Variants in KCNQ5 observed in about 807,000 individuals in gnomAD.
KCNQ5 encodes the protein potassium voltage-gated channel subfamily Q member 5, also known as potassium voltage-gated channel subfamily KQT member 5.
Under a neutral mutation model 98.2 loss-of-function variants are expected in KCNQ5, and 30 were observed. That is an observed-to-expected ratio of 0.31 (90% CI 0.23 to 0.41). KCNQ5 has a LOEUF of 0.41. Among genes scored for constraint, KCNQ5 ranks in the 10% least tolerant of loss-of-function variants. The pLI is 1.00. For missense variants in KCNQ5, 835 were observed against 1,182.5 expected (o/e 0.71, Z 4.31); for synonymous variants, 458 against 449.4 (o/e 1.02, Z -0.24).
chr6:72,808,362 T>C (rs1424015810), intron 1 of KCNQ5, among the ~76,000 whole-genome samples: 2 of 152,180 alleles, frequency 1.3e-5, no homozygotes, highest in Non-Finnish European at 2.9e-5. Flanking sequence ...TATTTTTGTA[T>C]GGTCTGGAAT....
chr6:72,986,212 A>G (rs1313047844), intron 1 of KCNQ5: 2 of 176,444 alleles, frequency 1.1e-5, no homozygotes, highest in Admixed American at 6.3e-5. Context: ...CCTGGGTGAC[A>G]GTGTGAGACT....
intron 1 of KCNQ5, among the ~76,000 whole-genome samples, chr6:72,773,603 A>T (rs1773017636): frequency 6.6e-6 from 1 of 152,190 alleles, no homozygotes; most frequent in African/African-American, 2.4e-5. Flanking sequence ...AAGCACAATT[A>T]AAAAATAAAT....
At chr6:73,055,395 C>T (rs551461410) in intron 3 of KCNQ5, 1 of 1,505,184 alleles carries the variant, frequency 6.6e-7, no homozygotes, top group Admixed American at 1.7e-5. Context: ...AAAGCAGAAA[C>T]TGCTGCAAAA....
chr6:72,872,468 A>G (rs750513237), intron 1 of KCNQ5, among the ~76,000 whole-genome samples: 2 of 152,194 alleles, frequency 1.3e-5, no homozygotes, highest in African/African-American at 2.4e-5. Context: ...TGAAATAGCA[A>G]TCATGGCTGG....
At chr6:72,647,797 A>G (rs1021348791) in intron 1 of KCNQ5, among the ~76,000 whole-genome samples, 1 of 152,206 alleles carries the variant, frequency 6.6e-6, no homozygotes, top group African/African-American at 2.4e-5. Flanking sequence ...ATTAGATCAC[A>G]GTATTGACGA....
intron 6 of KCNQ5, among the ~76,000 whole-genome samples, chr6:73,110,331 A>T (rs553047462): frequency 6.6e-5 from 10 of 152,216 alleles, no homozygotes; most frequent in Non-Finnish European, 1.5e-4. Context: ...CAGAGACTGA[A>T]TTTAGCAAGC....
intron 2 of KCNQ5, among the ~76,000 whole-genome samples, chr6:73,012,120 G>A (rs528519261): frequency 2.0e-5 from 3 of 152,180 alleles, no homozygotes; most frequent in Admixed American, 6.6e-5. Context: ...ACTTCTGGAT[G>A]TATGCCAAAA....
chr6:73,150,444 T>A (rs1176246634), intron 10 of KCNQ5, among the ~76,000 whole-genome samples: 1 of 146,256 alleles, frequency 6.8e-6, no homozygotes. Flanking sequence ...AATATTAATA[T>A]ATATAATATA....
At chr6:72,996,847 GAC>G (rs928815460) in intron 1 of KCNQ5, among the ~76,000 whole-genome samples, 5 of 152,276 alleles carry the variant, frequency 3.3e-5, no homozygotes, top group African/African-American at 1.2e-4. Context: ...GACACGTCAG[GAC>G]ATAATTTCAT....
At chr6:72,817,615 C>T (rs905301983) in intron 1 of KCNQ5, among the ~76,000 whole-genome samples, 5 of 152,068 alleles carry the variant, frequency 3.3e-5, no homozygotes, top group East Asian at 1.9e-4. Flanking sequence ...AACTGAGGGC[C>T]GAGCTCAGTT....
At chr6:72,690,884 AG>A (rs1363664103) in intron 1 of KCNQ5, among the ~76,000 whole-genome samples, 1 of 152,052 alleles carries the variant, frequency 6.6e-6, no homozygotes, top group East Asian at 1.9e-4. Context: ...ATGTCCTTTA[AG>A]AATTATAAAA....
rs1430975941 is a variant in KCNQ5 at position 73,197,918 on chromosome 6, A to G, written c.*2504A>G. 1 of 152,260 alleles carries G rather than the reference A, an allele frequency of 6.6e-6. No homozygotes were observed. The highest frequency in any genetic ancestry group is 1.5e-5 in the Non-Finnish European group (1 of 68,050). The allele number at this position is 152,260 out of a possible 1,614,324, so 9.4% of individuals were successfully genotyped here. On this transcript the variant is annotated 3_prime_UTR_variant, in exon 14 of 14. Transcript: ENST00000370398. ...TACACACAGCACTGAGGTCTTAATC[A>G]TAGCAAAATGTGATAAACCATGTTG...
intron 1 of KCNQ5, among the ~76,000 whole-genome samples, chr6:72,735,543 TA>T (rs879537790): frequency 1.3e-5 from 2 of 152,246 alleles, no homozygotes; most frequent in Admixed American, 6.5e-5. Flanking sequence ...ACTATCTTCA[TA>T]AAAAATGACT....
At chr6:73,126,327 G>T (rs2150447233) in intron 9 of KCNQ5, among the ~76,000 whole-genome samples, 1 of 152,264 alleles carries the variant, frequency 6.6e-6, no homozygotes, top group East Asian at 1.9e-4. Context: ...TGACATGGAG[G>T]TGCTTGAATA....
intron 1 of KCNQ5, among the ~76,000 whole-genome samples, chr6:72,777,687 A>G (rs1773227146): frequency 6.6e-6 from 1 of 152,204 alleles, no homozygotes; most frequent in Non-Finnish European, 1.5e-5. Context: ...ACATATAATC[A>G]AGAGGAACCA....
At chr6:72,765,424 G>C (rs1772518000) in intron 1 of KCNQ5, among the ~76,000 whole-genome samples, 1 of 152,026 alleles carries the variant, frequency 6.6e-6, no homozygotes, top group Non-Finnish European at 1.5e-5. Flanking sequence ...GAGTCAAAAT[G>C]ACCAACGTCT....
At chr6:73,148,652 G>C (rs1217169963) in intron 10 of KCNQ5, among the ~76,000 whole-genome samples, 1 of 152,188 alleles carries the variant, frequency 6.6e-6, no homozygotes, top group African/African-American at 2.4e-5. Context: ...CTAAAAGTTT[G>C]TAATGACTGT....
chr6:73,185,666 T>C (rs1281880914), intron 11 of KCNQ5, among the ~76,000 whole-genome samples: 2 of 152,170 alleles, frequency 1.3e-5, no homozygotes, highest in African/African-American at 4.8e-5. Flanking sequence ...GCAAGAGAGA[T>C]AGAGGCCAGT....
chr6:73,195,152 T>C lies in KCNQ5; in HGVS notation c.2537T>C (p.Leu846Pro). The C allele has an allele frequency of 6.2e-7, 1 of 1,614,160 alleles. No individual in the cohort carries two copies. The highest frequency in any genetic ancestry group is 8.5e-7 in the Non-Finnish European group (1 of 1,180,012). Residue 846 changes from leucine (L) to proline (P), a missense_variant, in exon 14 of 14, where the codon CTT becomes CCT. Coordinates refer to ENST00000370398, the MANE Select transcript of KCNQ5 (RefSeq NM_019842.4). ...IRSTEELNIQ[L>P]SGSESSGSRG... is the part of the protein sequence containing the mutation. ...TCGACCGAGGAACTGAATATACAAC[T>C]TTCAGGGAGTGAGTCAAGTGGCTCC... is the stretch of plus-strand genomic sequence containing the variant.
Sources: allele counts gnomAD v4.1 joint callset (sites outside exome capture counted in the v4.1 genomes callset), GRCh38; gene constraint gnomAD v4.1.1; transcripts MANE v1.5; gene names NCBI Gene and HGNC (gene_info 2026-07-23, HGNC 2026-07-21).